The following NPEPPS variants were observed in gnomAD, a reference collection of about 807,000 sequenced individuals.
The protein encoded by NPEPPS is aminopeptidase puromycin sensitive.
Under a neutral mutation model 115.5 loss-of-function variants are expected in NPEPPS, and 14 were observed. That is an observed-to-expected ratio of 0.12 (90% CI 0.08 to 0.19). The LOEUF is 0.19. Ranked by LOEUF, NPEPPS falls within the 10% of genes least tolerant of loss-of-function variation. NPEPPS has a pLI of 1.00. For synonymous variants in NPEPPS, 285 were observed against 390.6 expected (o/e 0.73, Z 3.19); for missense variants, 523 against 1,110.8 (o/e 0.47, Z 7.52).
At chr17:47,601,545 C>T (rs916770202) in intron 14 of NPEPPS, 63 bp from the exon 15 acceptor site, 8 of 1,590,196 alleles carry the variant, frequency 5.0e-6, no homozygotes, top group Admixed American at 1.7e-5. Flanking sequence ...CACCACCACT[C>T]CTCTCTCCAC....
chr17:47,557,721 C>T (rs1199170307), intron 2 of NPEPPS, among the ~76,000 whole-genome samples: 1 of 148,794 alleles, frequency 6.7e-6, no homozygotes, highest in African/African-American at 2.4e-5. Context: ...GCTGCTGCTT[C>T]TTTCCTATTT....
At chr17:47,590,951 T>C (rs1163422557) in intron 10 of NPEPPS, 70 bp downstream of exon 10, 1 of 1,486,780 alleles carries the variant, frequency 6.7e-7, no homozygotes, top group Admixed American at 2.2e-5. Context: ...ATTTGTTACA[T>C]AGATACTTTG....
At chr17:47,608,147 G>A (rs577032797) in intron 17 of NPEPPS, among the ~76,000 whole-genome samples, 3 of 152,208 alleles carry the variant, frequency 2.0e-5, no homozygotes, top group Non-Finnish European at 2.9e-5. Flanking sequence ...TGGCATAGAA[G>A]CATATTTGGG....
At chr17:47,579,855 G>C in intron 4 of NPEPPS, 2 of 179,086 alleles carry the variant, frequency 1.1e-5, no homozygotes, top group South Asian at 2.1e-4. Context: ...CTGTTTTCTG[G>C]AATTCCTTTC....
chr17:47,564,381 A>G (rs1487046803), intron 2 of NPEPPS, among the ~76,000 whole-genome samples: 1 of 151,824 alleles, frequency 6.6e-6, no homozygotes, highest in African/African-American at 2.4e-5. Context: ...TTTTAAGAAG[A>G]AAGAATTAGG....
At chr17:47,542,767 A>G (rs537356011) in intron 1 of NPEPPS, among the ~76,000 whole-genome samples, 3 of 152,226 alleles carry the variant, frequency 2.0e-5, no homozygotes, top group East Asian at 1.9e-4. Flanking sequence ...AGAACATTCA[A>G]ATGTCTGGAA....
At chr17:47,612,713 G>C in intron 18 of NPEPPS, 111 bp downstream of exon 18, 1 of 1,020,018 alleles carries the variant, frequency 9.8e-7, no homozygotes, top group African/African-American at 1.6e-5. Flanking sequence ...GCCCAGGCTG[G>C]AGTGCAGTGG....
chr17:47,616,557 G>A (rs1914213070), intron 19 of NPEPPS, among the ~76,000 whole-genome samples: 1 of 151,802 alleles, frequency 6.6e-6, no homozygotes, highest in Non-Finnish European at 1.5e-5. Flanking sequence ...GGTGGCGGGC[G>A]CCTGTAGTCC....
Position 47,617,373 on chromosome 17 carries a change from T to C in NPEPPS, c.2296-977T>C, listed in dbSNP as rs55774714. On this transcript the variant is annotated intron_variant, in intron 19 of 22. Transcript: ENST00000322157. ...AGGGGTTCTCCCCCACCCCCTTTTT[T>C]TGGAAACACAGTCTTGCTCTGTTGT... 4.1e-3 allele frequency among the ~76,000 whole-genome samples: 630 copies of C among 152,192 alleles called. 2 individuals carry two copies. Among genetic ancestry groups the C allele is most frequent in the African/African-American group, 0.015 (606 of 41,516 alleles).
chr17:47,548,196 A>G (rs1286635442), intron 2 of NPEPPS: 5 of 152,200 alleles, frequency 3.3e-5, no homozygotes, highest in African/African-American at 1.2e-4. Flanking sequence ...TAGAAAGTCA[A>G]AGTAGTAGCA....
intron 3 of NPEPPS, among the ~76,000 whole-genome samples, chr17:47,574,434 G>T (rs1372996865): frequency 1.3e-5 from 2 of 151,896 alleles, no homozygotes; most frequent in African/African-American, 4.8e-5. Context: ...TTATCAAAAG[G>T]AATCAGTTTA....
chr17:47,540,822 A>C (rs1908699915), intron 1 of NPEPPS, among the ~76,000 whole-genome samples: 1 of 152,192 alleles, frequency 6.6e-6, no homozygotes, highest in Admixed American at 6.6e-5. Flanking sequence ...ATTATTGGTC[A>C]ACTTTTTAAA....
At chr17:47,552,852 C>A (rs1909742564) in intron 2 of NPEPPS, among the ~76,000 whole-genome samples, 1 of 152,106 alleles carries the variant, frequency 6.6e-6, no homozygotes, top group Non-Finnish European at 1.5e-5. Flanking sequence ...ATACCAGGCA[C>A]TAAGTGCATT....
At chr17:47,581,047 G>T (rs1420973630) in intron 4 of NPEPPS, 1 of 152,222 alleles carries the variant, frequency 6.6e-6, no homozygotes, top group Non-Finnish European at 1.5e-5. Context: ...TCAACTGTAA[G>T]AGTAGTACAA....
intron 2 of NPEPPS, among the ~76,000 whole-genome samples, chr17:47,567,406 G>T (rs1910894655): frequency 6.6e-6 from 1 of 152,076 alleles, no homozygotes; most frequent in South Asian, 2.1e-4. Flanking sequence ...AGAATTATGG[G>T]CATCTTGCCT....
At chr17:47,593,334 T>TTCAA (rs1912631923) in intron 12 of NPEPPS, among the ~76,000 whole-genome samples, 1 of 152,022 alleles carries the variant, frequency 6.6e-6, no homozygotes, top group Non-Finnish European at 1.5e-5. Context: ...GGCCAGGATG[T>TTCAA]GCGGACTGAT....
In NPEPPS at chr17:47,615,101, C is replaced by T. The variant is rs763980818; in HGVS notation, c.2295+1376C>T. On this transcript the variant is annotated intron_variant, in intron 19 of 22. Transcript: ENST00000322157. ...TTTTTTTTTTTTTTTTTTTTTGAGA[C>T]GGAGTCTCACTCTGTCACCAGGCTG... Among the ~76,000 whole-genome samples, 194 of 115,698 alleles carry T rather than the reference C, an allele frequency of 1.7e-3. 2 individuals are homozygous for T. Among genetic ancestry groups the T allele is most frequent in the Non-Finnish European group, 2.0e-3 (124 of 61,832 alleles). The allele number at this position is 115,698 out of a possible 152,430, so 75.9% of individuals were successfully genotyped here. A position where few individuals can be genotyped will look rare whatever the true frequency, so the allele number is the denominator to read the frequency against.
At chr17:47,609,996 A>G (rs1029528580) in intron 17 of NPEPPS, among the ~76,000 whole-genome samples, 3 of 152,066 alleles carry the variant, frequency 2.0e-5, no homozygotes, top group African/African-American at 7.2e-5. Context: ...TGTTTTTTTA[A>G]TCAATCATTT....
chr17:47,527,779 A>G (rs1907498991), upstream of NPEPPS, among the ~76,000 whole-genome samples: 1 of 151,714 alleles, frequency 6.6e-6, no homozygotes, highest in African/African-American at 2.4e-5. Context: ...AAACAAACAA[A>G]TAAAACTAAA....
Sources: allele counts gnomAD v4.1 joint callset (sites outside exome capture counted in the v4.1 genomes callset), GRCh38; gene constraint gnomAD v4.1.1; transcripts MANE v1.5; gene names NCBI Gene and HGNC (gene_info 2026-07-23, HGNC 2026-07-21).